The following SUCLG2 variants were observed in gnomAD, a reference collection of about 807,000 sequenced individuals.
SUCLG2 encodes succinate-CoA ligase GDP-forming subunit beta, also known as succinate--CoA ligase [GDP-forming] subunit beta, mitochondrial.
SUCLG2 carries 42 observed loss-of-function variants against 47.9 expected under a neutral mutation model. The observed-to-expected ratio is 0.88, with a 90% CI of 0.69 to 1.14. SUCLG2 has a LOEUF of 1.14. Ranked by LOEUF, SUCLG2 falls within the 50% of genes most tolerant of loss-of-function variation. The pLI is 0.00. For synonymous variants in SUCLG2, 195 were observed against 197.3 expected, an observed-to-expected ratio of 0.99 and a Z score of 0.10; for missense variants, 571 against 525.9, an observed-to-expected ratio of 1.09 and a Z score of -0.84.
intron 2 of SUCLG2, among the ~76,000 whole-genome samples, chr3:67,541,549 C>G (rs758345842): frequency 7.2e-4 from 109 of 152,272 alleles, no homozygotes; most frequent in Middle Eastern, 3.4e-3. Flanking sequence ...ATTGGTGTAC[C>G]TGAAACTGAC....
chr3:67,577,188 A>AGTACT (rs1283134402), intron 2 of SUCLG2, among the ~76,000 whole-genome samples: 1 of 152,180 alleles, frequency 6.6e-6, no homozygotes, highest in African/African-American at 2.4e-5. Flanking sequence ...GGCACATGCC[A>AGTACT]GTACTCCCAG....
At chr3:67,432,993 A>C (rs1321365302) in intron 9 of SUCLG2, among the ~76,000 whole-genome samples, 1 of 152,162 alleles carries the variant, frequency 6.6e-6, no homozygotes, top group Admixed American at 6.5e-5. Context: ...TGATCTTAAA[A>C]TCCTCTGAAT....
rs1223810026 is a variant in SUCLG2 at position 67,400,719 on chromosome 3, A to G, written c.1183+12T>C. On this transcript the variant is annotated intron_variant, in intron 10 of 10. Coordinates refer to ENST00000307227, the MANE Select transcript of SUCLG2 (RefSeq NM_003848.4). ...AGGGGTGCTGGCACAGCGGAAATCTACCATGACTCACCTTCAAGCCGGACC... is the reference window on the plus strand; with the variant it reads ...AGGGGTGCTGGCACAGCGGAAATCTGCCATGACTCACCTTCAAGCCGGACC... The G allele has an allele frequency of 1.2e-6, 2 of 1,610,774 alleles. No individual in the cohort carries two copies. Among genetic ancestry groups the G allele is most frequent in the Non-Finnish European group, 1.7e-6 (2 of 1,179,716 alleles).
chr3:67,512,389 C>G (rs1358297889), intron 6 of SUCLG2, among the ~76,000 whole-genome samples: 3 of 150,950 alleles, frequency 2.0e-5, no homozygotes, highest in Non-Finnish European at 4.4e-5. Flanking sequence ...TCTAGGTCAT[C>G]AATGTGACCT....
At chr3:67,566,511 G>A (rs1194324683) in intron 2 of SUCLG2, among the ~76,000 whole-genome samples, 1 of 152,012 alleles carries the variant, frequency 6.6e-6, no homozygotes, top group Non-Finnish European at 1.5e-5. Context: ...ATAACTTAAA[G>A]GAGTTTCAAC....
intron 1 of SUCLG2, among the ~76,000 whole-genome samples, chr3:67,651,663 G>A (rs555570648): frequency 6.6e-6 from 1 of 152,254 alleles, no homozygotes; most frequent in East Asian, 1.9e-4. Context: ...TTAAATGATC[G>A]TTTTCTTCAT....
At chr3:67,451,133 G>A (rs1704047380) in intron 9 of SUCLG2, among the ~76,000 whole-genome samples, 1 of 152,080 alleles carries the variant, frequency 6.6e-6, no homozygotes, top group African/African-American at 2.4e-5. Flanking sequence ...TCCAATTTTT[G>A]CAGTGGCCTC....
intron 1 of SUCLG2, among the ~76,000 whole-genome samples, chr3:67,626,890 G>A (rs1207198578): frequency 6.9e-6 from 1 of 145,282 alleles, no homozygotes; most frequent in African/African-American, 2.6e-5. Context: ...CTCCAGCCTG[G>A]GCGACAGAGT....
At chr3:67,564,443 A>G (rs1707398884) in intron 2 of SUCLG2, among the ~76,000 whole-genome samples, 1 of 152,228 alleles carries the variant, frequency 6.6e-6, no homozygotes, top group Non-Finnish European at 1.5e-5. Context: ...GGCAAACTGT[A>G]TTAGTGAAAC....
chr3:67,635,708 T>C (rs1700998946), intron 1 of SUCLG2, among the ~76,000 whole-genome samples: 1 of 152,124 alleles, frequency 6.6e-6, no homozygotes, highest in Non-Finnish European at 1.5e-5. Flanking sequence ...AGTTCTCCAG[T>C]GCAAAAAGAC....
At chr3:67,509,026 GA>G in intron 6 of SUCLG2, 123 bp from the exon 7 acceptor site, 1 of 648,194 alleles carries the variant, frequency 1.5e-6, no homozygotes, top group South Asian at 2.4e-5. Context: ...TTTCTGAAGG[GA>G]AAAACAGAAA....
At chr3:67,400,611 T>A in intron 10 of SUCLG2, 120 bp downstream of exon 10, 1 of 1,408,974 alleles carries the variant, frequency 7.1e-7, no homozygotes, top group Non-Finnish European at 9.6e-7. Flanking sequence ...TGTGTTTGTT[T>A]CATCTTACAC....
At chr3:67,483,199 TA>T (rs1704962439) in intron 9 of SUCLG2, among the ~76,000 whole-genome samples, 1 of 151,834 alleles carries the variant, frequency 6.6e-6, no homozygotes, top group Non-Finnish European at 1.5e-5. Context: ...CAAATTAGGG[TA>T]AAGTTGCTGC....
intron 9 of SUCLG2, among the ~76,000 whole-genome samples, chr3:67,478,451 T>C (rs1559541251): frequency 6.6e-6 from 1 of 152,178 alleles, no homozygotes; most frequent in Non-Finnish European, 1.5e-5. Context: ...TCAACATATA[T>C]AATGACCCTT....
chr3:67,543,848 T>C (rs1258020169), intron 2 of SUCLG2, among the ~76,000 whole-genome samples: 3 of 152,180 alleles, frequency 2.0e-5, no homozygotes, highest in Admixed American at 6.5e-5. Context: ...AGTTAATTCA[T>C]AGTAGTTTGT....
intron 9 of SUCLG2, among the ~76,000 whole-genome samples, chr3:67,428,286 A>G (rs1331204142): frequency 1.3e-5 from 2 of 152,222 alleles, no homozygotes; most frequent in Admixed American, 6.5e-5. Flanking sequence ...CCGTTCTGCA[A>G]TATTTGCTGT....
At chr3:67,425,050 G>C (rs1703263652) in intron 9 of SUCLG2, among the ~76,000 whole-genome samples, 1 of 150,670 alleles carries the variant, frequency 6.6e-6, no homozygotes, top group Middle Eastern at 3.4e-3. Context: ...CCTTTAGCCA[G>C]AGAATCATTT....
Position 67,360,748 on chromosome 3 carries a change from C to CT in SUCLG2, c.1203dup (p.Gly402ArgfsTer15), listed in dbSNP as rs201326682. The CT allele has an allele frequency of 8.1e-5, 122 of 1,507,626 alleles. No individual in the cohort carries two copies. The highest frequency in any genetic ancestry group is 4.7e-4 in the East Asian group (19 of 40,552). 93.4% of individuals were successfully genotyped at this position (1,507,626 alleles called of 1,614,324 possible). A position where few individuals can be genotyped will look rare whatever the true frequency, so the allele number is the denominator to read the frequency against. ...TCTTGTTTTATGTGCATATAACTTCCTTTTTTTTCCATAAAAGTACCTGAA... is the reference window on the plus strand; with the variant it reads ...TCTTGTTTTATGTGCATATAACTTCCTTTTTTTTTCCATAAAAGTACCTGAA... On this transcript the variant is annotated frameshift_variant, in exon 11 of 11. Coordinates refer to the SUCLG2 transcript ENST00000493112. LOFTEE classifies it low-confidence loss of function (END_TRUNC).
intron 10 of SUCLG2, among the ~76,000 whole-genome samples, chr3:67,392,139 C>T (rs1702401728): frequency 6.6e-6 from 1 of 152,082 alleles, no homozygotes; most frequent in African/African-American, 2.4e-5. Context: ...TCACCAGTGC[C>T]CACTCACCTC....
Sources: gnomAD v4.1 joint callset for allele counts (sites outside exome capture counted in the v4.1 genomes callset) on GRCh38, gnomAD v4.1.1 for gene constraint, MANE v1.5 for transcripts, NCBI Gene and HGNC (gene_info 2026-07-23, HGNC 2026-07-21) for gene names.